The following RALY variants were observed in gnomAD, a reference collection of about 807,000 sequenced individuals.
RALY encodes the protein RNA-binding protein Raly.
In RALY, 15 loss-of-function variants were observed where a neutral mutation model predicts 30.7. That is an observed-to-expected ratio of 0.49 (90% confidence interval 0.33 to 0.75). The LOEUF is 0.75. Among genes scored for constraint, RALY ranks in the 30% least tolerant of loss-of-function variants. The pLI is 0.02. For synonymous variants in RALY, 177 were observed against 170.8 expected (o/e 1.04, Z -0.28); for missense variants, 339 against 414.3 (o/e 0.82, Z 1.58).
intron 1 of RALY, among the ~76,000 whole-genome samples, chr20:33,995,907 AG>A (rs1280254434): frequency 6.6e-6 from 1 of 152,188 alleles, no homozygotes; most frequent in African/African-American, 2.4e-5. Context: ...CCACTTATTC[AG>A]GTCTTAAGGT....
intron 1 of RALY, among the ~76,000 whole-genome samples, chr20:34,012,320 T>A (rs1430141621): frequency 6.6e-6 from 1 of 152,200 alleles, no homozygotes; most frequent in Non-Finnish European, 1.5e-5. Flanking sequence ...AAGGGTCTAT[T>A]TCTGTCACTA....
At chr20:34,033,758 AG>A (rs1282856821) in intron 2 of RALY, among the ~76,000 whole-genome samples, 1 of 152,156 alleles carries the variant, frequency 6.6e-6, no homozygotes, top group East Asian at 1.9e-4. Flanking sequence ...TCCAAAATAT[AG>A]CAGTATCTGT....
At chr20:34,043,833 G>T (rs981655956) in intron 2 of RALY, among the ~76,000 whole-genome samples, 6 of 152,144 alleles carry the variant, frequency 3.9e-5, no homozygotes, top group African/African-American at 1.4e-4. Context: ...TAAGGCTTTT[G>T]GAGCCTGTAG....
chr20:34,062,285 C>T (rs2033440198), intron 2 of RALY, among the ~76,000 whole-genome samples: 1 of 152,220 alleles, frequency 6.6e-6, no homozygotes, highest in Non-Finnish European at 1.5e-5. Flanking sequence ...ATCCTACATA[C>T]TTTATTCTCT....
chr20:34,070,626 A>G (rs2033700473), intron 2 of RALY, among the ~76,000 whole-genome samples: 1 of 152,252 alleles, frequency 6.6e-6, no homozygotes, highest in African/African-American at 2.4e-5. Context: ...GCAAAATGAT[A>G]AAGTTGAAAG....
intron 1 of RALY, among the ~76,000 whole-genome samples, chr20:34,015,456 C>T (rs2031569297): frequency 6.6e-6 from 1 of 151,962 alleles, no homozygotes; most frequent in Admixed American, 6.6e-5. Flanking sequence ...CCAAGAAATC[C>T]AAGTCTTTGG....
At chr20:34,036,295 C>A (rs2032494807) in intron 2 of RALY, among the ~76,000 whole-genome samples, 1 of 152,048 alleles carries the variant, frequency 6.6e-6, no homozygotes, top group African/African-American at 2.4e-5. Context: ...CCTTTTATTC[C>A]TAGTTTATTG....
At chr20:34,039,978 G>A (rs543220152) in intron 2 of RALY, among the ~76,000 whole-genome samples, 10 of 152,238 alleles carry the variant, frequency 6.6e-5, no homozygotes, top group South Asian at 6.2e-4. Context: ...GGGCATGGTG[G>A]CGTGTGCCAG....
intron 2 of RALY, among the ~76,000 whole-genome samples, chr20:34,047,285 G>T (rs2032914523): frequency 6.6e-6 from 1 of 152,202 alleles, no homozygotes. Context: ...CGGACAGTAT[G>T]GGAGGTGGAG....
chr20:34,058,495 A>G (rs911600686), intron 2 of RALY, among the ~76,000 whole-genome samples: 1 of 66,158 alleles, frequency 1.5e-5, no homozygotes, highest in Non-Finnish European at 2.7e-5. Context: ...ACAATGCCCT[A>G]TCCCCATACT....
chr20:34,070,498 A>G (rs1200514470), intron 2 of RALY, among the ~76,000 whole-genome samples: 1 of 152,252 alleles, frequency 6.6e-6, no homozygotes, highest in East Asian at 1.9e-4. Flanking sequence ...GCCAAACAGA[A>G]CAAAATTTGA....
chr20:34,008,309 T>C (rs1350243676), intron 1 of RALY, among the ~76,000 whole-genome samples: 1 of 152,176 alleles, frequency 6.6e-6, no homozygotes, highest in East Asian at 1.9e-4. Flanking sequence ...CATAGAATAA[T>C]GATGGAATGA....
chr20:34,021,000 C>T (rs1179800877), intron 1 of RALY, among the ~76,000 whole-genome samples: 1 of 151,728 alleles, frequency 6.6e-6, no homozygotes, highest in East Asian at 1.9e-4. Context: ...CTCACTCAGT[C>T]ACCCAGGCTG....
At chr20:34,009,231 G>A (rs62212009) in intron 1 of RALY, among the ~76,000 whole-genome samples, 1 of 151,012 alleles carries the variant, frequency 6.6e-6, no homozygotes, top group Non-Finnish European at 1.5e-5. Flanking sequence ...GTGTGTGTGT[G>A]GTTTTTTTTT....
intron 2 of RALY, among the ~76,000 whole-genome samples, chr20:34,055,866 A>T (rs966221881): frequency 6.6e-6 from 1 of 152,212 alleles, no homozygotes; most frequent in Non-Finnish European, 1.5e-5. Context: ...CATGGGCACT[A>T]TTGGTGCTTC....
At chr20:34,037,097 A>G (rs1056071259) in intron 2 of RALY, among the ~76,000 whole-genome samples, 2 of 152,202 alleles carry the variant, frequency 1.3e-5, no homozygotes, top group African/African-American at 4.8e-5. Context: ...CCAGTGGACT[A>G]TCAGTTTGCT....
intron 2 of RALY, among the ~76,000 whole-genome samples, chr20:34,036,077 T>G (rs1027829869): frequency 2.0e-5 from 3 of 152,018 alleles, no homozygotes; most frequent in Admixed American, 2.0e-4. Context: ...AGCTTTATTC[T>G]GAGTTAAATA....
At chr20:34,007,202 C>T (rs554061302) in intron 1 of RALY, among the ~76,000 whole-genome samples, 1 of 152,286 alleles carries the variant, frequency 6.6e-6, no homozygotes, top group Admixed American at 6.5e-5. Context: ...TCCTTCATCA[C>T]TAAACCACTC....
At chr20:34,065,644 G>A (rs2033549354) in intron 2 of RALY, among the ~76,000 whole-genome samples, 1 of 152,206 alleles carries the variant, frequency 6.6e-6, no homozygotes, top group South Asian at 2.1e-4. Context: ...AAAAGCAGGA[G>A]CCTCTGGACC....
Sources: allele counts gnomAD v4.1 joint callset (sites outside exome capture counted in the v4.1 genomes callset), GRCh38; gene constraint gnomAD v4.1.1; transcripts MANE v1.5; gene names NCBI Gene and HGNC (gene_info 2026-07-23, HGNC 2026-07-21).